The following MLIP variants were observed in gnomAD, a reference collection of about 807,000 sequenced individuals.
MLIP encodes the protein muscular LMNA-interacting protein.
In MLIP, 79 loss-of-function variants were observed where a neutral mutation model predicts 84.8. That is an observed-to-expected ratio of 0.93 (90% CI 0.78 to 1.12). MLIP has a LOEUF of 1.12. Ranked by LOEUF, MLIP falls within the 50% of genes most tolerant of loss-of-function variation. MLIP has a pLI of 0.00. For synonymous variants in MLIP, 504 were observed against 463.0 expected (o/e 1.09, Z -1.14); for missense variants, 1,257 against 1,160.6 (o/e 1.08, Z -1.21).
At chr6:54,194,953 A>G (rs1778193000) in intron 10 of MLIP, among the ~76,000 whole-genome samples, 1 of 152,066 alleles carries the variant, frequency 6.6e-6, no homozygotes, top group Admixed American at 6.6e-5. Context: ...TGCTTCAAGT[A>G]TATAATAATG....
chr6:54,246,885 C>T (rs1230703190), intron 12 of MLIP, among the ~76,000 whole-genome samples: 1 of 152,082 alleles, frequency 6.6e-6, no homozygotes, highest in Admixed American at 6.6e-5. Flanking sequence ...TTATTTCTGA[C>T]ATATTATGGT....
intron 1 of MLIP, among the ~76,000 whole-genome samples, chr6:54,032,219 TA>T (rs1764180450): frequency 6.6e-6 from 1 of 152,180 alleles, no homozygotes; most frequent in Non-Finnish European, 1.5e-5. Context: ...TTAAGTAATA[TA>T]AAAATGGTTT....
At chr6:54,021,005 G>A (rs1055090461) in intron 1 of MLIP, among the ~76,000 whole-genome samples, 4 of 152,164 alleles carry the variant, frequency 2.6e-5, no homozygotes, top group Non-Finnish European at 5.9e-5. Context: ...GAAAAGTTTT[G>A]CCTATGCTTA....
chr6:54,062,080 A>G (rs1245507699), intron 1 of MLIP, among the ~76,000 whole-genome samples: 1 of 152,216 alleles, frequency 6.6e-6, no homozygotes, highest in Non-Finnish European at 1.5e-5. Context: ...CTTTGTGATA[A>G]AAAAGGTAAT....
At chr6:54,214,635 GTCAAAGTATTAAC>G (rs1481250431) in intron 11 of MLIP, among the ~76,000 whole-genome samples, 1 of 152,086 alleles carries the variant, frequency 6.6e-6, no homozygotes, top group Non-Finnish European at 1.5e-5. Flanking sequence ...TTTTTTCTCT[GTCAAAGTATTAAC>G]TCTGCCATGA....
At chr6:54,129,819 G>A (rs774842072) in intron 3 of MLIP, among the ~76,000 whole-genome samples, 35 of 152,108 alleles carry the variant, frequency 2.3e-4, no homozygotes, top group Non-Finnish European at 4.0e-4. Context: ...GGGCCTGACT[G>A]TGCAAGAATA....
chr6:54,111,849 G>A (rs1278152986), intron 1 of MLIP, among the ~76,000 whole-genome samples: 1 of 152,172 alleles, frequency 6.6e-6, no homozygotes, highest in Non-Finnish European at 1.5e-5. Context: ...GGCCATCTGC[G>A]AGTGTGGGTG....
chr6:54,173,720 A>G (rs1775995255), intron 9 of MLIP, among the ~76,000 whole-genome samples: 1 of 151,966 alleles, frequency 6.6e-6, no homozygotes, highest in South Asian at 2.1e-4. Context: ...CCTTTATGTT[A>G]CAAATAATCT....
chr6:54,098,330 CTT>C (rs11418224), intron 1 of MLIP, among the ~76,000 whole-genome samples: 1 of 116,282 alleles, frequency 8.6e-6, no homozygotes. Flanking sequence ...TTTTTAATTT[CTT>C]TTTTTTTTTT....
intron 4 of MLIP, among the ~76,000 whole-genome samples, chr6:54,144,809 A>C (rs1772635971): frequency 6.6e-6 from 1 of 152,176 alleles, no homozygotes; most frequent in South Asian, 2.1e-4. Flanking sequence ...GACCTCATGG[A>C]TCTTTATTAC....
At chr6:54,113,140 A>G (rs890049920) in intron 1 of MLIP, among the ~76,000 whole-genome samples, 5 of 152,152 alleles carry the variant, frequency 3.3e-5, no homozygotes, top group African/African-American at 1.2e-4. Flanking sequence ...ATTATTTTTT[A>G]AATTTTATTT....
chr6:54,038,593 T>C (rs9474711), intron 1 of MLIP, among the ~76,000 whole-genome samples: 35 of 152,000 alleles, frequency 2.3e-4, no homozygotes, highest in African/African-American at 8.2e-4. Flanking sequence ...TAAGATTTTT[T>C]CTTTATATTT....
chr6:54,233,028 T>A (rs1228266179), intron 12 of MLIP, among the ~76,000 whole-genome samples: 1 of 152,230 alleles, frequency 6.6e-6, no homozygotes, highest in African/African-American at 2.4e-5. Context: ...CTTACTTTTT[T>A]ACTTTCAAGA....
chr6:54,181,955 C>T (rs866579126), intron 9 of MLIP, among the ~76,000 whole-genome samples: 4 of 152,134 alleles, frequency 2.6e-5, no homozygotes, highest in Non-Finnish European at 2.9e-5. Context: ...TTTGTTGCTG[C>T]GAGCAGCACT....
chr6:54,052,782 T>C (rs1765447123), intron 1 of MLIP, among the ~76,000 whole-genome samples: 1 of 152,120 alleles, frequency 6.6e-6, no homozygotes, highest in Non-Finnish European at 1.5e-5. Context: ...AAATTATAAA[T>C]ATAAAATTCT....
intron 4 of MLIP, among the ~76,000 whole-genome samples, chr6:54,145,643 C>T (rs963632648): frequency 6.6e-6 from 1 of 151,764 alleles, no homozygotes; most frequent in African/African-American, 2.4e-5. Flanking sequence ...GGGTATGCTG[C>T]CACATGCCTG....
At position 54,069,477 on chromosome 6, in the gene MLIP, T is replaced by A. The variant is rs1582068772; in HGVS notation, c.63+50386T>A. On this transcript the variant is annotated intron_variant, in intron 1 of 12. Coordinates refer to the MLIP transcript ENST00000274897. ...TTCAAGGGGGATTGGTTTCAGTCCC[T>A]CTTGCAGGTAACAAAATCTGAGGAT... is the stretch of plus-strand genomic sequence containing the variant. Among the ~76,000 whole-genome samples the A allele has an allele frequency of 6.0e-5, 6 of 100,424 alleles. 1 individual carries two copies. The South Asian group carries it at 2.1e-3, about 36-fold the overall frequency. 65.9% of individuals were successfully genotyped at this position (100,424 alleles called of 152,430 possible).
intron 11 of MLIP, among the ~76,000 whole-genome samples, chr6:54,206,606 T>C (rs1481246610): frequency 1.3e-5 from 2 of 152,140 alleles, no homozygotes; most frequent in Non-Finnish European, 1.5e-5. Flanking sequence ...CTTGTTATAG[T>C]ATTTCATTCC....
At chr6:54,097,851 G>GACA (rs1186610078) in intron 1 of MLIP, among the ~76,000 whole-genome samples, 1 of 152,082 alleles carries the variant, frequency 6.6e-6, no homozygotes, top group Non-Finnish European at 1.5e-5. Context: ...AATTGACCAA[G>GACA]GTCACACAAA....
Sources: allele counts gnomAD v4.1 joint callset (sites outside exome capture counted in the v4.1 genomes callset), GRCh38; gene constraint gnomAD v4.1.1; transcripts MANE v1.5; gene names NCBI Gene and HGNC (gene_info 2026-07-23, HGNC 2026-07-21).